The following LHFPL2 variants were observed in gnomAD, a reference collection of about 807,000 sequenced individuals.
The protein encoded by LHFPL2 is LHFPL tetraspan subfamily member 2 protein.
LHFPL2 carries 7 observed loss-of-function variants against 17.5 expected under a neutral mutation model. That is an observed-to-expected ratio of 0.40 (90% CI 0.23 to 0.75). The LOEUF (loss-of-function observed/expected upper bound fraction) is 0.75. Ranked by LOEUF, LHFPL2 falls within the 30% of genes least tolerant of loss-of-function variation. The pLI, the probability that LHFPL2 is intolerant of heterozygous loss-of-function variation, is 0.37. For missense variants in LHFPL2, 241 were observed against 294.8 expected (o/e 0.82, Z 1.34); for synonymous variants, 134 against 116.2 (o/e 1.15, Z -0.99).
intron 3 of LHFPL2, among the ~76,000 whole-genome samples, chr5:78,530,837 T>C (rs1755762195): frequency 6.6e-6 from 1 of 152,210 alleles, no homozygotes; most frequent in African/African-American, 2.4e-5. Context: ...GCAGAAAGAA[T>C]GCCCCATAGC....
chr5:78,570,634 GTA>G lies in LHFPL2; in HGVS notation c.-244-5765_-244-5764del, dbSNP rs147435933. ...GAATATATATATACGTATATATATA[GTA>G]TATATATATATACGTATATATATAT... On this transcript the variant is annotated intron_variant, in intron 2 of 4. Transcript: ENST00000380345. Among the ~76,000 whole-genome samples, 617 of 145,346 alleles carry G rather than the reference GTA, an allele frequency of 4.2e-3. 6 individuals carry two copies. The highest frequency in any genetic ancestry group is 0.015 in the African/African-American group (588 of 39,478).
chr5:78,620,675 G>A (rs891585964), intron 2 of LHFPL2, among the ~76,000 whole-genome samples: 18 of 152,134 alleles, frequency 1.2e-4, no homozygotes, highest in African/African-American at 1.9e-4. Context: ...CAGGGACACC[G>A]CTAGGCATCC....
intron 2 of LHFPL2, among the ~76,000 whole-genome samples, chr5:78,614,509 C>A (rs1744530529): frequency 6.6e-6 from 1 of 152,226 alleles, no homozygotes. Flanking sequence ...AAGTGGTTCT[C>A]ACAGTTATCT....
intron 3 of LHFPL2, among the ~76,000 whole-genome samples, chr5:78,516,828 C>T (rs1171823723): frequency 1.3e-5 from 2 of 152,174 alleles, no homozygotes; most frequent in Non-Finnish European, 1.5e-5. Context: ...GCCTGTCTTT[C>T]CTGGGGTCCT....
intron 3 of LHFPL2, among the ~76,000 whole-genome samples, chr5:78,562,074 G>T (rs1451955443): frequency 6.6e-6 from 1 of 152,186 alleles, no homozygotes; most frequent in Non-Finnish European, 1.5e-5. Context: ...CAACCCCTCA[G>T]ACTCCACATG....
chr5:78,582,359 TTC>T (rs1485360275), intron 2 of LHFPL2, among the ~76,000 whole-genome samples: 1 of 150,886 alleles, frequency 6.6e-6, no homozygotes, highest in Admixed American at 6.6e-5. Context: ...GCTTTTCTAG[TTC>T]TTTTAATTGT....
chr5:78,498,446 G>T (rs1245738415), intron 4 of LHFPL2, among the ~76,000 whole-genome samples: 1 of 152,308 alleles, frequency 6.6e-6, no homozygotes, highest in East Asian at 1.9e-4. Context: ...CTTCCATGCT[G>T]ATAGTCAGAA....
At chr5:78,506,785 C>T (rs1259593727) in intron 4 of LHFPL2, among the ~76,000 whole-genome samples, 1 of 152,220 alleles carries the variant, frequency 6.6e-6, no homozygotes, top group Admixed American at 6.5e-5. Flanking sequence ...TCCTGTATTT[C>T]AGCACTTAGT....
intron 3 of LHFPL2, among the ~76,000 whole-genome samples, chr5:78,561,299 C>T (rs1278180254): frequency 6.6e-6 from 1 of 152,190 alleles, no homozygotes; most frequent in African/African-American, 2.4e-5. Flanking sequence ...AACTTCAGTA[C>T]CTCAGTCGCA....
At chr5:78,595,980 A>T (rs1412466834) in intron 2 of LHFPL2, among the ~76,000 whole-genome samples, 2 of 152,224 alleles carry the variant, frequency 1.3e-5, no homozygotes, top group Non-Finnish European at 2.9e-5. Flanking sequence ...ATTAAGTAGC[A>T]TTACAAATAT....
intron 2 of LHFPL2, among the ~76,000 whole-genome samples, chr5:78,581,577 T>C (rs1278786054): frequency 2.0e-5 from 3 of 152,222 alleles, no homozygotes; most frequent in African/African-American, 7.2e-5. Flanking sequence ...GTTCTGTTTA[T>C]ATGCTGGATT....
intron 2 of LHFPL2, among the ~76,000 whole-genome samples, chr5:78,583,643 A>G (rs1305120478): frequency 3.3e-5 from 5 of 152,316 alleles, no homozygotes; most frequent in Admixed American, 6.5e-5. Flanking sequence ...GGTTTCTGCC[A>G]AGAGATCTGC....
intron 3 of LHFPL2, among the ~76,000 whole-genome samples, chr5:78,558,213 T>C (rs563339001): frequency 2.0e-5 from 3 of 152,344 alleles, no homozygotes; most frequent in African/African-American, 7.2e-5. Flanking sequence ...AGCTATTATT[T>C]ACCTATGTTA....
intron 2 of LHFPL2, among the ~76,000 whole-genome samples, chr5:78,596,664 A>G (rs1305376775): frequency 1.3e-5 from 2 of 152,160 alleles, no homozygotes; most frequent in Non-Finnish European, 2.9e-5. Context: ...TGTCTGAATT[A>G]TCCAAAAGTC....
intron 2 of LHFPL2, among the ~76,000 whole-genome samples, chr5:78,589,363 C>T (rs1190325515): frequency 6.6e-6 from 1 of 150,820 alleles, no homozygotes; most frequent in Non-Finnish European, 1.5e-5. Flanking sequence ...TCCAGCTACT[C>T]GGGAGGCTAA....
intron 2 of LHFPL2, among the ~76,000 whole-genome samples, chr5:78,620,849 G>A (rs758227318): frequency 3.3e-5 from 5 of 152,254 alleles, no homozygotes; most frequent in South Asian, 2.1e-4. Context: ...CTCTATTTTC[G>A]GACCATGTGT....
chr5:78,566,435 A>T (rs1402689134), intron 2 of LHFPL2, among the ~76,000 whole-genome samples: 1 of 152,208 alleles, frequency 6.6e-6, no homozygotes, highest in Non-Finnish European at 1.5e-5. Context: ...TGAATTCATA[A>T]AGTCCTTTGT....
At chr5:78,628,564 G>A (rs954089647) in intron 2 of LHFPL2, among the ~76,000 whole-genome samples, 3 of 152,168 alleles carry the variant, frequency 2.0e-5, no homozygotes, top group Non-Finnish European at 4.4e-5. Context: ...GAGTATTGGC[G>A]TCAACTCAGC....
intron 3 of LHFPL2, among the ~76,000 whole-genome samples, chr5:78,512,555 TA>T (rs1290648281): frequency 6.6e-6 from 1 of 151,628 alleles, no homozygotes; most frequent in Non-Finnish European, 1.5e-5. Context: ...ATGATCATTC[TA>T]AAAGAGAACA....
Sources: gnomAD v4.1 joint callset for allele counts (sites outside exome capture counted in the v4.1 genomes callset) on GRCh38, gnomAD v4.1.1 for gene constraint, MANE v1.5 for transcripts, NCBI Gene and HGNC (gene_info 2026-07-23, HGNC 2026-07-21) for gene names.